CD300LG: variants seen among roughly 807,000 people sequenced by gnomAD.
The protein encoded by CD300LG is CMRF35-like molecule 9.
A neutral mutation model predicts 31.5 loss-of-function variants in CD300LG; 29 were observed. That is an observed-to-expected ratio of 0.92 (90% CI 0.68 to 1.25). The LOEUF is 1.25. Among genes scored for constraint, CD300LG ranks in the 50% most tolerant of loss-of-function variants. CD300LG has a pLI of 0.00. For synonymous variants in CD300LG, 175 were observed against 177.2 expected (o/e 0.99, Z 0.10); for missense variants, 396 against 417.6 (o/e 0.95, Z 0.45).
rs1484862565 is a variant in CD300LG, at chr17:43,848,799, GAAC to G, written c.286_288del (p.Asn96del). 6.2e-7 allele frequency: 1 copy of G among 1,614,166 alleles called. No homozygotes were observed. Among genetic ancestry groups the G allele is most frequent in the South Asian group, 1.1e-5 (1 of 91,076 alleles). Reference sequence around the variant, plus strand: ...AGCTCTCGCTCATTGTGACCCTGTGGAACCTCACCCTGCAAGACGCTGGGGAGT... The same window carrying G: ...AGCTCTCGCTCATTGTGACCCTGTGGCTCACCCTGCAAGACGCTGGGGAGT... On this transcript the variant is annotated inframe_deletion, in exon 2 of 7. Coordinates refer to ENST00000317310, the MANE Select transcript of CD300LG (RefSeq NM_145273.4).
intron 2 of CD300LG, 133 bp downstream of exon 2, chr17:43,849,026 G>T (rs531869572): frequency 2.5e-6 from 2 of 812,306 alleles, no homozygotes; most frequent in South Asian, 1.8e-5. Context: ...GTCAAGCACC[G>T]AGCAAGGCTT....
Position 43,857,116 on chromosome 17 carries a change from C to T in CD300LG, c.845C>T (p.Thr282Met), listed in dbSNP as rs1433903655. The T allele has an allele frequency of 1.2e-6, 2 of 1,614,024 alleles. No individual in the cohort carries two copies. Among genetic ancestry groups the T allele is most frequent in the East Asian group, 2.2e-5 (1 of 44,900 alleles). ...ACATCTCTTTCAGCTCAACAGGCCA[C>T]GGAGACACAGAGGAACGAGAAGTTC... The part of the protein sequence containing the change: ...LLWRKEAQQA[T>M]ETQRNEKFCL... The change falls in exon 6 of 7, where the codon ACG becomes ATG. Residue 282 changes from threonine to methionine, a missense_variant. Transcript: ENST00000317310.
chr17:43,848,980 C>T, intron 2 of CD300LG, 87 bp downstream of exon 2: 1 of 1,182,982 alleles, frequency 8.5e-7, no homozygotes, highest in South Asian at 1.4e-5. Context: ...CTGGTACCAA[C>T]ATTATGGGCA....
rs776106812 is a variant in CD300LG, at chr17:43,857,147, C to G, written c.876C>G (p.Leu292=). 1.9e-6 allele frequency: 3 copies of G among 1,614,198 alleles called. No homozygotes were observed. Among genetic ancestry groups the G allele is most frequent in the Non-Finnish European group, 2.5e-6 (3 of 1,180,040 alleles). ...CACAGAGGAACGAGAAGTTCTGCCT[C>G]TCACGCTTGGTAAGGACAGAGGCAT... ...TETQRNEKFC[L]SRLTAEEKEA... Residue 292 remains leucine (L), a synonymous_variant, in exon 6 of 7, where the codon CTC becomes CTG. Transcript: ENST00000317310.
intron 3 of CD300LG, 44 bp from the exon 4 acceptor site, chr17:43,853,763 C>A: frequency 6.6e-7 from 1 of 1,504,938 alleles, no homozygotes. Context: ...TGCTGGGATG[C>A]AAGGGTCAGG....
At chr17:43,851,790 T>G (rs899869025) in intron 2 of CD300LG, among the ~76,000 whole-genome samples, 1 of 151,926 alleles carries the variant, frequency 6.6e-6, no homozygotes, top group Non-Finnish European at 1.5e-5. Flanking sequence ...CTCCTGACCT[T>G]GTGAGCTGCC....
In CD300LG at chr17:43,848,873, T is replaced by C. The variant is rs772648347; in HGVS notation, c.359T>C (p.Ile120Thr). ...EKRGPDESLLISLFVFPGPCC... is the reference protein window; with the variant it reads ...EKRGPDESLLTSLFVFPGPCC... The stretch of plus-strand genomic sequence containing the variant: ...CGGGGCCCCGATGAGTCTTTACTGA[T>C]CTCTCTGTTCGTCTTTCCAGGTAAC... The change falls in exon 2 of 7, where the codon ATC (isoleucine) becomes ACC (threonine). Residue 120 changes from isoleucine to threonine, a missense_variant. Physicochemically the swap from Ile to Thr is moderately conservative, Grantham distance 89 (BLOSUM62 -1). Transcript: ENST00000317310. 33 of 1,610,890 alleles carry C rather than the reference T, an allele frequency of 2.0e-5. No homozygotes were observed. The highest frequency in any genetic ancestry group is 2.7e-5 in the Non-Finnish European group (32 of 1,177,532).
intron 2 of CD300LG, among the ~76,000 whole-genome samples, chr17:43,850,343 A>G (rs2046312035): frequency 6.6e-6 from 1 of 152,252 alleles, no homozygotes; most frequent in African/African-American, 2.4e-5. Flanking sequence ...AGTGCGAGCC[A>G]TCTCCAGCAC....
At chr17:43,847,506 G>A (rs1225936319) in intron 1 of CD300LG, among the ~76,000 whole-genome samples, 1 of 152,172 alleles carries the variant, frequency 6.6e-6, no homozygotes, top group Non-Finnish European at 1.5e-5. Flanking sequence ...GTGGCTGTGA[G>A]AGTTGCTTTG....
intron 2 of CD300LG, among the ~76,000 whole-genome samples, 161 bp from the exon 3 acceptor site, chr17:43,852,751 G>A (rs1240933050): frequency 6.6e-6 from 1 of 152,228 alleles, no homozygotes; most frequent in Non-Finnish European, 1.5e-5. Context: ...GAAGACCAGG[G>A]ATCTGCTGGA....
At chr17:43,857,369 G>T (rs746330157) in intron 6 of CD300LG, 1 of 1,531,158 alleles carries the variant, frequency 6.5e-7, no homozygotes, top group Non-Finnish European at 8.7e-7. Context: ...ACTCACAGGT[G>T]GGAACCTGAT....
intron 2 of CD300LG, among the ~76,000 whole-genome samples, chr17:43,850,333 A>G (rs2143302461): frequency 6.6e-6 from 1 of 152,364 alleles, no homozygotes; most frequent in East Asian, 1.9e-4. Flanking sequence ...CTTGTGAGTC[A>G]GTGCGAGCCA....
At position 43,847,237 on chromosome 17, in the gene CD300LG, A is replaced by G. The variant is rs1158492630; in HGVS notation, c.21A>G (p.Leu7=). The G allele has an allele frequency of 3.1e-6, 5 of 1,613,844 alleles. No individual in the cohort carries two copies. Among genetic ancestry groups the G allele is most frequent in the Non-Finnish European group, 4.2e-6 (5 of 1,179,876 alleles). ...CCAGAATGCGGCTTCTGGTCCTGCT[A>G]TGGGGTTGCCTGCTGCTCCCAGGTG... is the stretch of plus-strand genomic sequence containing the variant. MRLLVL[L]WGCLLLPGYE... Residue 7 remains leucine (L), a synonymous_variant, in exon 1 of 7, where the codon CTA becomes CTG. Transcript: ENST00000317310.
At chr17:43,857,231 T>C in intron 6 of CD300LG, 75 bp downstream of exon 6, 1 of 1,559,758 alleles carries the variant, frequency 6.4e-7, no homozygotes, top group Non-Finnish European at 8.8e-7. Flanking sequence ...GGGCTTTGCC[T>C]CTGTGACTTC....
intron 6 of CD300LG, chr17:43,857,975 G>A (rs770815660): frequency 5.2e-5 from 78 of 1,512,420 alleles, no homozygotes; most frequent in African/African-American, 2.1e-4. Flanking sequence ...TGTGCCCTCC[G>A]AGGCCAGCAC....
rs937903348 is a variant in CD300LG at position 43,858,158 on chromosome 17, C to T, written c.885+1002C>T. ...CGCCAGTGAGGACAAAAGACTCAGGCCTGGTCACCCCAAGGAGGGTCTGGG... is the reference window on the plus strand; with the variant it reads ...CGCCAGTGAGGACAAAAGACTCAGGTCTGGTCACCCCAAGGAGGGTCTGGG... On this transcript the variant is annotated intron_variant, in intron 6 of 6. Coordinates refer to ENST00000317310, the MANE Select transcript of CD300LG (RefSeq NM_145273.4). The T allele has an allele frequency of 4.0e-6, 5 of 1,262,150 alleles. No individual in the cohort carries two copies. In the African/African-American group the frequency reaches 7.6e-5, roughly 19 times the overall value. 78.2% of individuals were successfully genotyped at this position (1,262,150 alleles called of 1,614,324 possible). A position where few individuals can be genotyped will look rare whatever the true frequency, so the allele number is the denominator to read the frequency against.
chr17:43,849,276 G>A (rs1038733389), intron 2 of CD300LG: 12 of 354,740 alleles, frequency 3.4e-5, no homozygotes, highest in African/African-American at 1.9e-4. Flanking sequence ...GAGGCCTCCC[G>A]AGGCTGGGCC....
chr17:43,851,121 C>T (rs1371764846), intron 2 of CD300LG, among the ~76,000 whole-genome samples: 1 of 114,268 alleles, frequency 8.8e-6, no homozygotes, highest in African/African-American at 3.6e-5. Flanking sequence ...TCAACAGAGC[C>T]AGACTCAGTC....
At chr17:43,859,171 A>G (rs2046603244) in intron 6 of CD300LG, among the ~76,000 whole-genome samples, 1 of 152,120 alleles carries the variant, frequency 6.6e-6, no homozygotes, top group Admixed American at 6.5e-5. Flanking sequence ...GGTTTGAGGA[A>G]TGGAGCCAAG....
Sources: gnomAD v4.1 joint callset for allele counts (sites outside exome capture counted in the v4.1 genomes callset) on GRCh38, gnomAD v4.1.1 for gene constraint, MANE v1.5 for transcripts, NCBI Gene and HGNC (gene_info 2026-07-23, HGNC 2026-07-21) for gene names.